STARD13: variants seen among roughly 807,000 people sequenced by gnomAD.
STARD13 encodes the protein stAR-related lipid transfer protein 13.
In STARD13, 62 loss-of-function variants were observed where a neutral mutation model predicts 106.4. The ratio of observed to expected loss-of-function variants is 0.58; its 90% confidence interval spans 0.48 to 0.72. The LOEUF (loss-of-function observed/expected upper bound fraction) is 0.72. Ranked by LOEUF, STARD13 falls within the 30% of genes least tolerant of loss-of-function variation. The pLI, the probability that STARD13 is intolerant of heterozygous loss-of-function variation, is 0.00. For synonymous variants in STARD13, 565 were observed against 553.0 expected (o/e 1.02, Z -0.31); for missense variants, 1,387 against 1,424.0 (o/e 0.97, Z 0.42).
chr13:33,494,739 T>C, the STARD13 span, among the ~76,000 whole-genome samples: 5 of 152,022 alleles, frequency 3.3e-5, no homozygotes, highest in Admixed American at 6.6e-5. Flanking sequence ...TTTTTTTTAT[T>C]TCACTATAGC....
rs2078066447 is a variant in STARD13, at chr13:33,350,536, A to G, written c.-123T>C. 17 of 1,434,458 alleles carry G rather than the reference A, an allele frequency of 1.2e-5. No individual in the cohort carries two copies. The South Asian group carries it at 1.3e-4, about 11-fold the overall frequency. 88.9% of individuals were successfully genotyped at this position (1,434,458 alleles called of 1,614,324 possible). ...ACTCCCGCCGGGGTCCCGGGACCCAATGCGGGCGCGACATGGGTCGGTCCG... is the reference window on the plus strand; with the variant it reads ...ACTCCCGCCGGGGTCCCGGGACCCAGTGCGGGCGCGACATGGGTCGGTCCG... On this transcript the variant is annotated 5_prime_UTR_variant, in exon 1 of 2. Transcript: ENST00000439831.
chr13:33,232,959 A>G (rs74045718), intron 1 of STARD13, among the ~76,000 whole-genome samples: 7,479 of 152,324 alleles, frequency 0.049, 252 homozygotes, highest in African/African-American at 0.088. Flanking sequence ...ACACCTGATT[A>G]AAGCCTTCTT....
the STARD13 span, among the ~76,000 whole-genome samples, chr13:33,527,865 G>C: frequency 6.6e-6 from 1 of 151,506 alleles, no homozygotes; most frequent in Non-Finnish European, 1.5e-5. Flanking sequence ...TCTAGAGGAA[G>C]GCACATTTAT....
Position 33,198,162 on chromosome 13 carries a change from C to T in STARD13, c.170-30540G>A, listed in dbSNP as rs539359376. Among the ~76,000 whole-genome samples the T allele has an allele frequency of 3.3e-5, 5 of 152,216 alleles. No homozygotes were observed. The East Asian group carries it at 5.8e-4, about 18-fold the overall frequency. ...CGGCCTGGGCCACAGAGTGAGACTC[C>T]GTCTCAAAAAAACAAAACAAAAGAA... On this transcript the variant is annotated intron_variant, in intron 1 of 13. Transcript: ENST00000336934.
At chr13:33,428,062 G>A in the STARD13 span, among the ~76,000 whole-genome samples, 86 of 152,164 alleles carry the variant, frequency 5.7e-4, no homozygotes, top group Middle Eastern at 3.4e-3. Context: ...AAGGCACTAG[G>A]AACATACAAT....
intron 7 of STARD13, among the ~76,000 whole-genome samples, chr13:33,121,028 G>A (rs1177268235): frequency 2.0e-5 from 3 of 152,044 alleles, no homozygotes; most frequent in African/African-American, 4.8e-5. Flanking sequence ...GGTGTGAGCC[G>A]CCATGGCTGG....
intron 1 of STARD13, among the ~76,000 whole-genome samples, chr13:33,231,184 C>T (rs1225278604): frequency 2.6e-5 from 4 of 152,178 alleles, no homozygotes; most frequent in Non-Finnish European, 5.9e-5. Context: ...AAGAAAGTCT[C>T]AATGGCAATG....
the STARD13 span, among the ~76,000 whole-genome samples, chr13:33,546,845 T>G: frequency 1.3e-5 from 2 of 152,118 alleles, no homozygotes; most frequent in Admixed American, 6.5e-5. Context: ...TCTAATAATT[T>G]TTGTATTTCA....
At chr13:33,652,502 ATCTAC>A in the STARD13 span, among the ~76,000 whole-genome samples, 10 of 152,190 alleles carry the variant, frequency 6.6e-5, no homozygotes, top group Non-Finnish European at 1.2e-4. Flanking sequence ...TTTATTCACA[ATCTAC>A]TCCTCATATG....
chr13:33,438,918 CA>C, the STARD13 span, among the ~76,000 whole-genome samples: 2 of 152,124 alleles, frequency 1.3e-5, no homozygotes, highest in African/African-American at 4.8e-5. Context: ...CAAGATACTT[CA>C]AAATTGGGCT....
chr13:33,594,345 T>C, the STARD13 span, among the ~76,000 whole-genome samples: 1 of 151,388 alleles, frequency 6.6e-6, no homozygotes, highest in African/African-American at 2.5e-5. Context: ...GGACCAGCTC[T>C]GCCAAGCTTT....
At chr13:33,594,998 T>C in the STARD13 span, among the ~76,000 whole-genome samples, 2 of 152,246 alleles carry the variant, frequency 1.3e-5, no homozygotes, top group South Asian at 4.1e-4. Flanking sequence ...TATCCCTGGT[T>C]TGTTTCTTTG....
chr13:33,581,581 A>G, the STARD13 span, among the ~76,000 whole-genome samples: 1,629 of 152,316 alleles, frequency 0.011, 28 homozygotes, highest in African/African-American at 0.038. Context: ...CGTAGACTGT[A>G]CATACTTAAT....
Position 33,123,055 on chromosome 13 carries a change from C to CAAAAAAAAAAAAA in STARD13, c.2082+3013_2082+3025dup, listed in dbSNP as rs71071079. Among the ~76,000 whole-genome samples the CAAAAAAAAAAAAA allele has an allele frequency of 1.7e-4, 8 of 45,856 alleles. 1 individual carries two copies. The highest frequency in any genetic ancestry group is 8.3e-4 in the East Asian group (1 of 1,208). The allele number at this position is 45,856 out of a possible 152,430, so 30.1% of individuals were successfully genotyped here. A position where few individuals can be genotyped will look rare whatever the true frequency, so the allele number is the denominator to read the frequency against. ...TGGGTGACAGAGCAAGACTCCATCT[C>CAAAAAAAAAAAAA]AAAAAAAAAAAAAAAAAAAAAAAAG... is the stretch of plus-strand genomic sequence containing the variant. On this transcript the variant is annotated intron_variant, in intron 7 of 13. Transcript: ENST00000336934.
the STARD13 span, among the ~76,000 whole-genome samples, chr13:33,596,675 CCAACCTCTCTTCATTCCCTGA>C: frequency 6.6e-6 from 1 of 152,138 alleles, no homozygotes; most frequent in Admixed American, 6.5e-5. Flanking sequence ...TATCCATTAA[CCAACCTCTCTTCATTCCCTGA>C]CCCTTCCCTT....
chr13:33,218,975 C>T (rs976211031), intron 1 of STARD13, among the ~76,000 whole-genome samples: 2 of 152,130 alleles, frequency 1.3e-5, no homozygotes, highest in African/African-American at 4.8e-5. Flanking sequence ...AAACCTAGAA[C>T]TTGGATGACT....
the STARD13 span, among the ~76,000 whole-genome samples, chr13:33,499,573 C>CT: frequency 1.5e-5 from 1 of 67,806 alleles, no homozygotes; most frequent in African/African-American, 5.4e-5. Flanking sequence ...TCTTCTTCTT[C>CT]TTCTTCTTCT....
chr13:33,414,475 G>A, the STARD13 span, among the ~76,000 whole-genome samples: 1 of 152,292 alleles, frequency 6.6e-6, no homozygotes, highest in South Asian at 2.1e-4. Context: ...AAGGAAACGA[G>A]CTAGTGATAC....
chr13:33,667,701 T>TAAA, the STARD13 span, among the ~76,000 whole-genome samples: 3 of 152,238 alleles, frequency 2.0e-5, no homozygotes, highest in Non-Finnish European at 4.4e-5. Context: ...TTCAGAGATG[T>TAAA]AAAAATGTGA....
Sources: allele counts gnomAD v4.1 joint callset (sites outside exome capture counted in the v4.1 genomes callset), GRCh38; gene constraint gnomAD v4.1.1; transcripts MANE v1.5; gene names NCBI Gene and HGNC (gene_info 2026-07-23, HGNC 2026-07-21).